MUC22: variants seen among roughly 807,000 people sequenced by gnomAD.
MUC22 encodes mucin 22.
MUC22 carries 24 observed loss-of-function variants against 40.3 expected under a neutral mutation model. That is an observed-to-expected ratio of 0.60 (90% CI 0.43 to 0.84). The LOEUF (loss-of-function observed/expected upper bound fraction) is 0.84, where lower values mean the gene tolerates loss of function less well. Ranked by LOEUF, MUC22 falls within the 40% of genes least tolerant of loss-of-function variation. The pLI, the probability that MUC22 is intolerant of heterozygous loss-of-function variation, is 0.00. For synonymous variants in MUC22, 765 were observed against 844.5 expected (o/e 0.91, Z 1.63); for missense variants, 1,926 against 2,130.7 (o/e 0.90, Z 1.89).
intron 1 of MUC22, among the ~76,000 whole-genome samples, chr6:31,024,449 AT>A (rs9278843): frequency 0.73 from 110,695 of 151,142 alleles, 40,724 homozygotes; most frequent in African/African-American, 0.8. Context: ...AGAATTTGTG[AT>A]TTTTTTTTTC....
chr6:31,028,945 G>T (rs1765734324), exon 2 of MUC22: 1 of 1,532,796 alleles, frequency 6.5e-7, no homozygotes, highest in Non-Finnish European at 8.7e-7. Context: ...TTCTACCACA[G>T]GCTCTGAGAC....
chr6:31,034,975 G>A, exon 4 of MUC22: 1 of 1,519,794 alleles, frequency 6.6e-7, no homozygotes, highest in Non-Finnish European at 8.8e-7. Flanking sequence ...GAGCCACCAA[G>A]GAGGCCACGG....
intron 1 of MUC22, among the ~76,000 whole-genome samples, chr6:31,019,931 G>A (rs916355210): frequency 6.6e-6 from 1 of 152,124 alleles, no homozygotes; most frequent in East Asian, 1.9e-4. Flanking sequence ...GGGAGTATGG[G>A]GTGGAGGGAG....
exon 1 of MUC22, chr6:31,010,586 G>C (rs1002547148): frequency 4.4e-5 from 28 of 631,762 alleles, no homozygotes; most frequent in Non-Finnish European, 6.9e-5. Flanking sequence ...GGGTCTTTTT[G>C]TGCAACTTTA....
intron 1 of MUC22, among the ~76,000 whole-genome samples, chr6:31,017,231 C>T (rs115192233): frequency 0.013 from 1,962 of 152,320 alleles, 42 homozygotes; most frequent in African/African-American, 0.044. Flanking sequence ...GGCCCAGGTG[C>T]GGGATCCACT....
At chr6:31,027,334 ACCACCACAGCTT>A (rs1765496649) in exon 2 of MUC22, 2 of 1,529,860 alleles carry the variant, frequency 1.3e-6, no homozygotes, top group Non-Finnish European at 1.7e-6. Flanking sequence ...AGGCTCTGAG[ACCACCACAGCTT>A]CCACTGAAGG....
chr6:31,024,745 A>T (rs1338494615), intron 1 of MUC22, among the ~76,000 whole-genome samples: 1 of 152,186 alleles, frequency 6.6e-6, no homozygotes, highest in East Asian at 1.9e-4. Context: ...CAGTAACTAC[A>T]TTCCAGCCAC....
chr6:31,032,363 G>A lies in MUC22; in HGVS notation c.4837G>A (p.Gly1613Ser), dbSNP rs752684544. The A allele has an allele frequency of 1.6e-5, 24 of 1,535,644 alleles. No homozygotes were observed. Among genetic ancestry groups the A allele is most frequent in the South Asian group, 3.6e-5 (3 of 84,048 alleles). Residue 1613 changes from glycine to serine, a missense_variant, in exon 3 of 4, where the codon GGC becomes AGC. Coordinates refer to ENST00000561890, the Ensembl canonical transcript of MUC22. This position sits in a 1 kb window ranked among gnomAD's most constrained non-coding sequence, Gnocchi z 4.1. ...AGCATCATCTACCACCTCAGCCCAC[G>A]GCGTCAGGACCACCACAGGATCCAC...
chr6:31,020,655 G>A (rs956715463), intron 1 of MUC22, among the ~76,000 whole-genome samples: 18 of 152,294 alleles, frequency 1.2e-4, no homozygotes, highest in South Asian at 4.1e-4. Context: ...CCGCTGCACT[G>A]TGGGAGTCCC....
At position 31,032,471 on chromosome 6, in the gene MUC22, A is replaced by G. The variant is rs1311180766; in HGVS notation, c.4945A>G (p.Thr1649Ala). 2.0e-6 allele frequency: 3 copies of G among 1,535,690 alleles called. No individual in the cohort carries two copies. Among genetic ancestry groups the G allele is most frequent in the Non-Finnish European group, 1.7e-6 (2 of 1,146,914 alleles). ...CACAGTTAGCATGAGCCACACACCC[A>G]CAAACGTGATCAAACCAAGTGGATA... Residue 1649 changes from threonine (T) to alanine (A), a missense_variant, in exon 3 of 4, where the codon ACA (threonine) becomes GCA (alanine). Thr to Ala is a moderately conservative substitution (Grantham distance 58). Around this residue, in one of 3 missense-constraint regions of MUC22, gnomAD observed 610 missense variants for 714.6 expected, o/e 0.85. Transcript: ENST00000561890. The surrounding 1 kb of genome is among the most constrained non-coding windows in gnomAD (Gnocchi z 4.1).
Position 31,025,670 on chromosome 6 carries a change from C to T in MUC22, c.239C>T (p.Thr80Ile), listed in dbSNP as rs1202998013. ...GGCTCTGAGACAACCTCAGCCTCCA[C>T]CATGGCTTCTACTGCAGCCTTCACC... Residue 80 changes from threonine to isoleucine, a missense_variant, in exon 2 of 4, where the codon ACC becomes ATC. Around this residue, in one of 3 missense-constraint regions of MUC22, gnomAD observed 1,281 missense variants for 1,337.8 expected, o/e 0.96. Coordinates refer to ENST00000561890, the Ensembl canonical transcript of MUC22. 5.0e-5 allele frequency: 76 copies of T among 1,533,170 alleles called. 1 individual carries two copies. In the East Asian group the frequency reaches 1.8e-3, roughly 37 times the overall value. The allele number at this position is 1,533,170 out of a possible 1,614,324, so 95.0% of individuals were successfully genotyped here.
chr6:31,026,237 C>T (rs1765312917), exon 2 of MUC22: 1 of 1,529,334 alleles, frequency 6.5e-7, no homozygotes, highest in Non-Finnish European at 8.8e-7. Flanking sequence ...AACACCACCA[C>T]AGCCTCTACC....
At chr6:31,018,484 T>TC (rs1167104096) in intron 1 of MUC22, among the ~76,000 whole-genome samples, 1 of 152,154 alleles carries the variant, frequency 6.6e-6, no homozygotes, top group African/African-American at 2.4e-5. Context: ...TCTGTTGTGT[T>TC]GGAGAGTTAC....
At chr6:31,025,693 A>G (rs753813046) in exon 2 of MUC22, 17 of 1,529,628 alleles carry the variant, frequency 1.1e-5, no homozygotes, top group Non-Finnish European at 1.4e-5. Flanking sequence ...TGCAGCCTTC[A>G]CCACAGGCTC....
intron 1 of MUC22, among the ~76,000 whole-genome samples, chr6:31,015,713 G>A (rs1764147630): frequency 6.6e-6 from 1 of 152,130 alleles, no homozygotes; most frequent in African/African-American, 2.4e-5. Context: ...TCTTGTAAAA[G>A]ACCCATTCTT....
exon 2 of MUC22, chr6:31,026,439 G>T (rs879229007): frequency 6.6e-7 from 1 of 1,504,204 alleles, no homozygotes; most frequent in African/African-American, 1.4e-5. Flanking sequence ...CAGGCTCTGG[G>T]ACCACCACAG....
chr6:31,020,355 G>A (rs1334786257), intron 1 of MUC22, among the ~76,000 whole-genome samples: 4 of 150,798 alleles, frequency 2.7e-5, no homozygotes, highest in African/African-American at 7.3e-5. Context: ...AGAATTACAC[G>A]GAGTAAGAAT....
At chr6:31,015,340 A>C (rs1298874302) in intron 1 of MUC22, among the ~76,000 whole-genome samples, 1 of 152,200 alleles carries the variant, frequency 6.6e-6, no homozygotes, top group Non-Finnish European at 1.5e-5. Context: ...CAGAAATTAA[A>C]AATATATATA....
exon 2 of MUC22, chr6:31,028,040 C>A: frequency 6.5e-7 from 1 of 1,533,236 alleles, no homozygotes; most frequent in Non-Finnish European, 8.7e-7. Flanking sequence ...TCAGCCTCTA[C>A]TACAGGCTCT....
Sources: gnomAD v4.1 joint callset for allele counts (sites outside exome capture counted in the v4.1 genomes callset) on GRCh38, gnomAD v4.1.1 for gene constraint, gnomAD v4.1.1 regional missense constraint, Gnocchi (gnomAD v3.1) non-coding constraint, MANE v1.5 for transcripts, NCBI Gene and HGNC (gene_info 2026-07-23, HGNC 2026-07-21) for gene names.